DEPDC5: variants seen among roughly 807,000 people sequenced by gnomAD.
DEPDC5 encodes DEP domain containing 5, GATOR1 subcomplex subunit, also known as GATOR1 complex protein DEPDC5.
A neutral mutation model predicts 217.3 loss-of-function variants in DEPDC5; 73 were observed. That is an observed-to-expected ratio of 0.34 (90% CI 0.28 to 0.41). The LOEUF (loss-of-function observed/expected upper bound fraction) is 0.41, where lower values mean the gene tolerates loss of function less well. DEPDC5 is among the 10% of genes least tolerant of loss of function. The probability of loss-of-function intolerance (pLI) is 1.00; values close to 1 mark genes in which losing one functional copy is unlikely to be tolerated. For synonymous variants in DEPDC5, 733 were observed against 756.7 expected, an observed-to-expected ratio of 0.97 and a Z score of 0.51; for missense variants, 1,675 against 2,070.1, an observed-to-expected ratio of 0.81 and a Z score of 3.70.
rs183778605 is a variant in DEPDC5, at chr22:31,792,788, C to G, written c.738C>G (p.His246Gln). 6.5e-7 allele frequency: 1 copy of G among 1,546,126 alleles called. No homozygotes were observed. Among genetic ancestry groups the G allele is most frequent in the Admixed American group, 2.3e-5 (1 of 43,730 alleles). ...EINRASIRQD[H>Q]KGRFYEDFYK... is the part of the protein sequence containing the mutation. ...ACCGAGCCTCAATTCGACAGGATCA[C>G]AAGGGGAGATTCTATGAAGACTTTT... The change falls in exon 12 of 43, where the codon CAC becomes CAG. Residue 246 changes from histidine to glutamine, a missense_variant. His to Gln is a conservative substitution (Grantham distance 24). This residue lies in a region of DEPDC5 where 628 missense variants were observed against 762.1 expected (regional missense o/e 0.82). Coordinates refer to ENST00000651528, the MANE Select transcript of DEPDC5 (RefSeq NM_001242896.3).
At chr22:31,846,600 G>A (rs935968968) in intron 30 of DEPDC5, among the ~76,000 whole-genome samples, 18 of 152,218 alleles carry the variant, frequency 1.2e-4, no homozygotes, top group Non-Finnish European at 5.9e-5. Context: ...TCATAGATCT[G>A]TGGTGAGGGT....
intron 18 of DEPDC5, among the ~76,000 whole-genome samples, chr22:31,806,506 C>T (rs921532748): frequency 1.3e-5 from 2 of 152,242 alleles, no homozygotes; most frequent in Non-Finnish European, 2.9e-5. Context: ...CAAGGCCAGA[C>T]TGCGTGAAAT....
At chr22:31,855,145 A>G (rs1282398686) in intron 31 of DEPDC5, among the ~76,000 whole-genome samples, 2 of 151,430 alleles carry the variant, frequency 1.3e-5, no homozygotes, top group African/African-American at 4.9e-5. Context: ...TTGTATTTTT[A>G]GTAGAGACAG....
At chr22:31,794,971 A>G (rs1331545475) in intron 12 of DEPDC5, among the ~76,000 whole-genome samples, 2 of 152,162 alleles carry the variant, frequency 1.3e-5, no homozygotes, top group Non-Finnish European at 2.9e-5. Flanking sequence ...CATCTACCAA[A>G]TATAGTCTTC....
At position 31,874,349 on chromosome 22, in the gene DEPDC5, T is replaced by C. The variant is rs766583732; in HGVS notation, c.3640T>C (p.Leu1214=). ...CFISAEVVHW[L]VNHVEGIQTQ... is the part of the protein sequence containing the mutation. ...CATCAGCGCGGAGGTGGTACACTGG[T>C]TGGTGAACCACGTGGAGGGGATCCA... The change falls in exon 36 of 43, where the codon TTG becomes CTG. Residue 1214 remains leucine (L), a synonymous_variant. Transcript: ENST00000651528. The C allele has an allele frequency of 8.7e-6, 14 of 1,611,848 alleles. No individual in the cohort carries two copies. The highest frequency in any genetic ancestry group is 1.2e-5 in the Non-Finnish European group (14 of 1,179,146).
intron 10 of DEPDC5, among the ~76,000 whole-genome samples, chr22:31,791,754 G>A (rs758949756): frequency 4.0e-5 from 6 of 150,540 alleles, no homozygotes; most frequent in Admixed American, 6.7e-5. Flanking sequence ...TGGTGAAACC[G>A]CATCTCTACT....
intron 31 of DEPDC5, among the ~76,000 whole-genome samples, chr22:31,856,931 G>T (rs1278843354): frequency 6.6e-6 from 1 of 151,952 alleles, no homozygotes; most frequent in African/African-American, 2.4e-5. Context: ...TGCCACACCG[G>T]GCTAATTTTT....
At position 31,834,159 on chromosome 22, in the gene DEPDC5, G is replaced by A. The variant is rs533133992; in HGVS notation, c.2170+179G>A. Reference sequence around the variant, plus strand: ...TCTGGACTCTGTGATGGAAAGTGAGGGGGTGTGTGACTGAATGACCTGTTT... The same window carrying A: ...TCTGGACTCTGTGATGGAAAGTGAGAGGGTGTGTGACTGAATGACCTGTTT... On this transcript the variant is annotated intron_variant, in intron 25 of 42. Transcript: ENST00000651528. 7.5e-5 allele frequency: 53 copies of A among 707,710 alleles called. No homozygotes were observed. In the African/African-American group the frequency reaches 8.3e-4, roughly 11 times the overall value. 43.8% of individuals were successfully genotyped at this position (707,710 alleles called of 1,614,324 possible). A position where few individuals can be genotyped will look rare whatever the true frequency, so the allele number is the denominator to read the frequency against.
chr22:31,803,115 G>A (rs1291307924), intron 15 of DEPDC5, among the ~76,000 whole-genome samples: 2 of 152,134 alleles, frequency 1.3e-5, no homozygotes, highest in Admixed American at 6.6e-5. Context: ...TAAAGGTTGT[G>A]TCAGGGTACT....
intron 20 of DEPDC5, 146 bp downstream of exon 20, chr22:31,810,787 T>G: frequency 7.6e-7 from 1 of 1,324,402 alleles, no homozygotes; most frequent in Non-Finnish European, 1.0e-6. Context: ...TTTGTTTTGT[T>G]TTTTTGAGAT....
chr22:31,773,722 A>G (rs987602303), intron 7 of DEPDC5, among the ~76,000 whole-genome samples: 4 of 152,220 alleles, frequency 2.6e-5, no homozygotes, highest in African/African-American at 9.6e-5. Context: ...AGTCATTACA[A>G]ATGGTCAAAT....
intron 31 of DEPDC5, among the ~76,000 whole-genome samples, chr22:31,856,029 G>T (rs904868111): frequency 5.9e-5 from 9 of 152,016 alleles, no homozygotes; most frequent in Non-Finnish European, 1.3e-4. Context: ...CACAACACCT[G>T]TGGGAGAGAT....
At chr22:31,887,167 C>G (rs1447482881) in intron 38 of DEPDC5, among the ~76,000 whole-genome samples, 11 of 151,510 alleles carry the variant, frequency 7.3e-5, no homozygotes, top group African/African-American at 1.9e-4. Context: ...GCCTGTAATC[C>G]CAGCACTTTG....
intron 20 of DEPDC5, among the ~76,000 whole-genome samples, chr22:31,811,313 T>C (rs1394027203): frequency 1.3e-5 from 2 of 152,032 alleles, no homozygotes; most frequent in Non-Finnish European, 2.9e-5. Context: ...CAAGTGATCC[T>C]CCTGCCTCGG....
Position 31,774,858 on chromosome 22 carries a change from G to A in DEPDC5, c.414-3241G>A, listed in dbSNP as rs1261981437. Among the ~76,000 whole-genome samples the A allele has an allele frequency of 2.6e-5, 4 of 151,990 alleles. No individual in the cohort carries two copies. The East Asian group carries it at 5.8e-4, about 22-fold the overall frequency. On this transcript the variant is annotated intron_variant, in intron 7 of 42. Coordinates refer to ENST00000651528, the MANE Select transcript of DEPDC5 (RefSeq NM_001242896.3). ...AGGATGGTCTCGATCTCTTGACCTCGTGATCCACCCACCTCGGCCTCCCAA... is the reference window on the plus strand; with the variant it reads ...AGGATGGTCTCGATCTCTTGACCTCATGATCCACCCACCTCGGCCTCCCAA...
intron 7 of DEPDC5, among the ~76,000 whole-genome samples, chr22:31,772,451 G>A (rs528770222): frequency 3.4e-4 from 52 of 152,136 alleles, no homozygotes; most frequent in Non-Finnish European, 7.1e-4. Flanking sequence ...TTAGTGGTTC[G>A]AGTGATGTTG....
At chr22:31,803,810 ATTGTTTTACTT>A (rs1217315945) in intron 15 of DEPDC5, among the ~76,000 whole-genome samples, 4 of 152,068 alleles carry the variant, frequency 2.6e-5, no homozygotes, top group Admixed American at 6.6e-5. Context: ...AGTGATGTGG[ATTGTTTTACTT>A]TTTACTGAGA....
chr22:31,838,635 T>A (rs2091198357), intron 26 of DEPDC5, 50 bp from the exon 27 acceptor site: 3 of 1,598,978 alleles, frequency 1.9e-6, no homozygotes, highest in Non-Finnish European at 2.6e-6. Flanking sequence ...CTCTTAAGTG[T>A]CACTGTCTCG....
intron 9 of DEPDC5, chr22:31,784,248 C>A (rs1183452750): frequency 7.4e-6 from 2 of 270,996 alleles, no homozygotes; most frequent in Non-Finnish European, 1.4e-5. Flanking sequence ...AATTTGGCTT[C>A]AAAAAATAAA....
Sources: gnomAD v4.1 joint callset for allele counts (sites outside exome capture counted in the v4.1 genomes callset) on GRCh38, gnomAD v4.1.1 for gene constraint, gnomAD v4.1.1 regional missense constraint, MANE v1.5 for transcripts, NCBI Gene and HGNC (gene_info 2026-07-23, HGNC 2026-07-21) for gene names.